The following C12orf42 variants were observed in gnomAD, a reference collection of about 807,000 sequenced individuals.
C12orf42 encodes the protein chromosome 12 open reading frame 42.
A neutral mutation model predicts 21.6 loss-of-function variants in C12orf42; 25 were observed. The observed-to-expected ratio is 1.16, with a 90% CI of 0.84 to 1.62. C12orf42 has a LOEUF of 1.62. C12orf42 is among the 40% of genes most tolerant of loss of function. The probability of loss-of-function intolerance (pLI) is 0.00; values close to 1 mark genes in which losing one functional copy is unlikely to be tolerated. For synonymous variants in C12orf42, 174 were observed against 175.0 expected (o/e 0.99, Z 0.05); for missense variants, 483 against 459.3 (o/e 1.05, Z -0.47).
At chr12:103,232,475 G>A in the C12orf42 span, among the ~76,000 whole-genome samples, 90 of 152,184 alleles carry the variant, frequency 5.9e-4, no homozygotes, top group African/African-American at 1.6e-3. Context: ...TTGGGAGGCC[G>A]AGGCGGGCGG....
At chr12:103,325,685 G>C (rs2040608755) in intron 4 of C12orf42, among the ~76,000 whole-genome samples, 1 of 152,120 alleles carries the variant, frequency 6.6e-6, no homozygotes, top group African/African-American at 2.4e-5. Context: ...GGCATCTGTG[G>C]TGGTGGTTTG....
chr12:103,116,055 G>A, the C12orf42 span, among the ~76,000 whole-genome samples: 1 of 152,236 alleles, frequency 6.6e-6, no homozygotes, highest in East Asian at 1.9e-4. Flanking sequence ...CGTGTCCTTT[G>A]CCTCCTGATG....
chr12:103,188,375 G>T, the C12orf42 span, among the ~76,000 whole-genome samples: 1 of 151,772 alleles, frequency 6.6e-6, no homozygotes, highest in Admixed American at 6.6e-5. Context: ...GTGAGAACCT[G>T]GTGCACCTAT....
chr12:103,187,039 A>C, the C12orf42 span, among the ~76,000 whole-genome samples: 1 of 152,190 alleles, frequency 6.6e-6, no homozygotes, highest in Non-Finnish European at 1.5e-5. Context: ...ATACCATCAA[A>C]TCCTGGAAGA....
chr12:103,242,337 A>C (rs2033788234), intron 10 of C12orf42, among the ~76,000 whole-genome samples: 1 of 152,112 alleles, frequency 6.6e-6, no homozygotes, highest in Non-Finnish European at 1.5e-5. Context: ...ATTTTCTCAG[A>C]CTTCAATTCA....
chr12:103,215,608 G>C, the C12orf42 span, among the ~76,000 whole-genome samples: 149 of 152,322 alleles, frequency 9.8e-4, no homozygotes, highest in Admixed American at 3.6e-3. Context: ...TCCTGGATAA[G>C]AGATTCTGCT....
chr12:103,324,133 A>C (rs770957955), intron 4 of C12orf42, among the ~76,000 whole-genome samples: 9 of 152,174 alleles, frequency 5.9e-5, no homozygotes, highest in Non-Finnish European at 1.2e-4. Flanking sequence ...TGTCAACTGC[A>C]CTTTTAGGAG....
At chr12:103,241,351 T>A (rs551358194) in intron 10 of C12orf42, among the ~76,000 whole-genome samples, 38 of 152,322 alleles carry the variant, frequency 2.5e-4, no homozygotes, top group African/African-American at 8.7e-4. Context: ...AGCTGGCCTC[T>A]CTTGTTCAGA....
chr12:103,184,106 A>G, the C12orf42 span, among the ~76,000 whole-genome samples: 8 of 152,214 alleles, frequency 5.3e-5, no homozygotes, highest in South Asian at 6.2e-4. Flanking sequence ...AACCAAGCTT[A>G]TTTTCTGTCT....
In C12orf42 at chr12:103,472,124, G is replaced by A. The variant is rs1167560936; in HGVS notation, c.78+6225C>T. ...GGCTGGAGTGCAGTGGTGTGATCTC[G>A]GCTCACTGCAAGCTCCGCCTCCCGG... On this transcript the variant is annotated intron_variant, in intron 2 of 5. Transcript: ENST00000548883. The A allele has an allele frequency of 4.8e-5, 6 of 125,742 alleles. No individual in the cohort carries two copies. The South Asian group carries it at 7.4e-4, about 15-fold the overall frequency. 7.8% of individuals were successfully genotyped at this position (125,742 alleles called of 1,614,324 possible).
intron 10 of C12orf42, among the ~76,000 whole-genome samples, chr12:103,238,931 G>T (rs539366281): frequency 6.6e-6 from 1 of 152,212 alleles, no homozygotes; most frequent in Non-Finnish European, 1.5e-5. Context: ...CCCTGGTACT[G>T]CAGATGTCGA....
At chr12:103,248,857 G>T (rs1424866409) in intron 10 of C12orf42, among the ~76,000 whole-genome samples, 1 of 151,922 alleles carries the variant, frequency 6.6e-6, no homozygotes. Context: ...TTGGTATATG[G>T]TTGACTATTT....
intron 5 of C12orf42, among the ~76,000 whole-genome samples, chr12:103,305,155 C>T (rs1450727803): frequency 1.3e-5 from 2 of 152,080 alleles, no homozygotes. Context: ...TGTGTTGGGC[C>T]ACATATAAAG....
At chr12:103,516,806 A>G in the C12orf42 span, among the ~76,000 whole-genome samples, 1 of 152,228 alleles carries the variant, frequency 6.6e-6, no homozygotes, top group Non-Finnish European at 1.5e-5. Flanking sequence ...ACTTTATAAT[A>G]GGAAGGTAAA....
intron 3 of C12orf42, among the ~76,000 whole-genome samples, chr12:103,389,765 T>C (rs2046913138): frequency 6.6e-6 from 1 of 152,016 alleles, no homozygotes; most frequent in South Asian, 2.1e-4. Flanking sequence ...TCCATGAAGA[T>C]ATAGAGCCCA....
intron 3 of C12orf42, among the ~76,000 whole-genome samples, chr12:103,374,634 A>G (rs2045536737): frequency 1.3e-5 from 2 of 152,158 alleles, no homozygotes; most frequent in South Asian, 4.1e-4. Context: ...TGGGCCACAC[A>G]CAAAATACGC....
chr12:103,405,090 G>C (rs2048325286), intron 2 of C12orf42, among the ~76,000 whole-genome samples: 1 of 152,176 alleles, frequency 6.6e-6, no homozygotes, highest in African/African-American at 2.4e-5. Context: ...ATTCAACTGA[G>C]CACATGGCAT....
intron 3 of C12orf42, among the ~76,000 whole-genome samples, chr12:103,392,297 T>C (rs1018545921): frequency 2.0e-5 from 3 of 152,208 alleles, no homozygotes; most frequent in Non-Finnish European, 4.4e-5. Context: ...GTTTTGGTTA[T>C]TTGGGAATCC....
the C12orf42 span, among the ~76,000 whole-genome samples, chr12:103,098,049 C>G: frequency 6.6e-6 from 1 of 152,236 alleles, no homozygotes; most frequent in Non-Finnish European, 1.5e-5. Context: ...TCTTAGACAA[C>G]ATCCCTCTGG....
Sources: gnomAD v4.1 joint callset for allele counts (sites outside exome capture counted in the v4.1 genomes callset) on GRCh38, gnomAD v4.1.1 for gene constraint, MANE v1.5 for transcripts, NCBI Gene and HGNC (gene_info 2026-07-23, HGNC 2026-07-21) for gene names.